IQSEC2: variants seen among roughly 807,000 people sequenced by gnomAD.
IQSEC2 encodes the protein IQ motif and SEC7 domain-containing protein 2.
In IQSEC2, 6 loss-of-function variants were observed where a neutral mutation model predicts 74.6. The observed-to-expected ratio is 0.08, with a 90% CI of 0.04 to 0.16. IQSEC2 has a LOEUF of 0.16. Ranked by LOEUF, IQSEC2 falls within the 10% of genes least tolerant of loss-of-function variation. IQSEC2 has a pLI of 1.00. For synonymous variants in IQSEC2, 494 were observed against 544.5 expected (o/e 0.91, Z 1.29); for missense variants, 734 against 1,306.2 (o/e 0.56, Z 6.75).
chrX:53,226,617 A>G (rs138184927), downstream of IQSEC2: 41 of 112,432 alleles, frequency 3.6e-4, no homozygotes, highest in African/African-American at 1.3e-3. Context: ...GGAGTGTCAT[A>G]CCTTCGTGCA....
In IQSEC2 at chrX:53,236,376, C is replaced by T. The variant is rs1556859667; in HGVS notation, c.3397G>A (p.Asp1133Asn). The T allele has an allele frequency of 8.3e-7, 1 of 1,208,580 alleles. No individual in the cohort carries two copies. The highest frequency in any genetic ancestry group is 2.2e-5 in the Admixed American group (1 of 45,908). ...CTGAGTGCGCCCCGTTTGAGCCCAT[C>T]GCCTGCCCCGTAAGTGTCCTCCAGG... ...SSLEDTYGAG[D>N]GLKRGALSSS... Residue 1133 changes from aspartate to asparagine, a missense_variant, in exon 13 of 15, where the codon GAT becomes AAT. By Grantham distance (23) the Asp-to-Asn change is conservative. Coordinates refer to ENST00000642864, the MANE Select transcript of IQSEC2 (RefSeq NM_001111125.3).
intron 2 of IQSEC2, among the ~76,000 whole-genome samples, chrX:53,286,173 A>G (rs2075023066): frequency 9.0e-6 from 1 of 111,531 alleles, no homozygotes. Flanking sequence ...AAAAATTACC[A>G]CAAGCTGGTA....
chrX:53,263,600 C>A (rs2074603430), intron 2 of IQSEC2, among the ~76,000 whole-genome samples: 2 of 109,688 alleles, frequency 1.8e-5, no homozygotes, highest in Admixed American at 1.9e-4. Flanking sequence ...TCCTTTGTTT[C>A]TTCTGCCCAG....
At chrX:53,232,704 T>A (rs188812976), downstream of IQSEC2, among the ~76,000 whole-genome samples, 1 of 111,414 alleles carries the variant, frequency 9.0e-6, no homozygotes, top group African/African-American at 3.3e-5. Context: ...AAACTGTGTA[T>A]GAAATGAGAT....
intron 1 of IQSEC2, among the ~76,000 whole-genome samples, chrX:53,310,416 A>AC (rs2075310843): frequency 1.8e-5 from 2 of 110,867 alleles, no homozygotes; most frequent in East Asian, 2.8e-4. Context: ...AACAAACAAA[A>AC]AACTTGAGAA....
At chrX:53,269,577 G>T (rs1402082013) in intron 2 of IQSEC2, among the ~76,000 whole-genome samples, 1 of 109,498 alleles carries the variant, frequency 9.1e-6, no homozygotes, top group Non-Finnish European at 1.9e-5. Flanking sequence ...CCCTCTATCT[G>T]CCCCCACATC....
At chrX:53,247,242 C>T in intron 7 of IQSEC2, 107 bp from the exon 8 acceptor site, 1 of 784,555 alleles carries the variant, frequency 1.3e-6, no homozygotes, top group Non-Finnish European at 1.9e-6. Context: ...GAAATACTTT[C>T]TTGATCTCTG....
In IQSEC2 at chrX:53,320,807, T is replaced by C; in HGVS notation, c.317A>G (p.Gln106Arg). The C allele has an allele frequency of 8.6e-7, 1 of 1,163,680 alleles. No homozygotes were observed. The highest frequency in any genetic ancestry group is 1.1e-6 in the Non-Finnish European group (1 of 870,641). The part of the protein sequence containing the change: ...QFHHRELRES[Q>R]FHQAARDVGY... ...CACGTCCCGGGCCGCCTGGTGGAAC[T>C]GGCTCTCCCGCAGCTCGCGGTGGTG... The change falls in exon 1 of 15, where the codon CAG (glutamine) becomes CGG (arginine). Residue 106 changes from glutamine (Q) to arginine (R), a missense_variant. Coordinates refer to ENST00000642864, the MANE Select transcript of IQSEC2 (RefSeq NM_001111125.3).
intron 1 of IQSEC2, among the ~76,000 whole-genome samples, chrX:53,294,228 G>A (rs1432290380): frequency 1.8e-5 from 2 of 112,259 alleles, no homozygotes; most frequent in African/African-American, 3.2e-5. Context: ...GGCAGCAAAG[G>A]GGAGCAAAAG....
intron 1 of IQSEC2, among the ~76,000 whole-genome samples, chrX:53,300,059 C>T (rs1569332225): frequency 9.0e-6 from 1 of 111,203 alleles, no homozygotes; most frequent in Non-Finnish European, 1.9e-5. Context: ...CCACTGTGCC[C>T]GGACAGAAAA....
At chrX:53,285,662 C>T (rs782259453) in intron 2 of IQSEC2, among the ~76,000 whole-genome samples, 10 of 112,600 alleles carry the variant, frequency 8.9e-5, no homozygotes, top group Non-Finnish European at 1.5e-4. Flanking sequence ...GATAATCTCT[C>T]TCACTTAGGT....
rs983560052 is a variant in IQSEC2, at chrX:53,260,276, C to A, written c.738-4215G>T. Among the ~76,000 whole-genome samples, 6 of 111,532 alleles carry A rather than the reference C, an allele frequency of 5.4e-5. No homozygotes were observed. The East Asian group carries it at 1.7e-3, about 31-fold the overall frequency. On this transcript the variant is annotated intron_variant, in intron 2 of 14. Transcript: ENST00000642864. Reference sequence around the variant, plus strand: ...AGAGCAGTCCAGAGAGAGGGTACAGCCAGCGCAAAGGCCCGGAGGTAGAAC... The same window carrying A: ...AGAGCAGTCCAGAGAGAGGGTACAGACAGCGCAAAGGCCCGGAGGTAGAAC...
chrX:53,261,459 C>T (rs1203928466), intron 2 of IQSEC2, among the ~76,000 whole-genome samples: 1 of 108,428 alleles, frequency 9.2e-6, no homozygotes, highest in African/African-American at 3.4e-5. Context: ...CCTCTCTGGA[C>T]TCTTCCCAGC....
rs1397654562 is a variant in IQSEC2 at position 53,291,944 on chromosome X, A to G, written c.708-20T>C. 5.2e-6 allele frequency: 6 copies of G among 1,162,037 alleles called. No homozygotes were observed. The highest frequency in any genetic ancestry group is 3.6e-5 in the African/African-American group (2 of 55,748). On this transcript the variant is annotated intron_variant, in intron 1 of 14. Transcript: ENST00000642864. ...TCAGATCTGAAAGGGAAACAGAGAA[A>G]AAAAACCAAAACGGTCAGTATACGC... is the stretch of plus-strand genomic sequence containing the variant.
chrX:53,247,736 C>T (rs2074329153), intron 7 of IQSEC2, among the ~76,000 whole-genome samples: 2 of 112,103 alleles, frequency 1.8e-5, no homozygotes, highest in Admixed American at 1.9e-4. Flanking sequence ...GTTACTTAAC[C>T]TCTCTAAACT....
chrX:53,230,379 C>T (rs1369934408), downstream of IQSEC2: 1 of 113,002 alleles, frequency 8.8e-6, no homozygotes, highest in Admixed American at 9.3e-5. Flanking sequence ...CCCACATGTG[C>T]TTATTTATTT....
intron 2 of IQSEC2, among the ~76,000 whole-genome samples, chrX:53,290,524 C>T (rs1288030577): frequency 8.9e-6 from 1 of 111,956 alleles, no homozygotes; most frequent in East Asian, 2.8e-4. Flanking sequence ...GAGATCTATT[C>T]CCTTTGCTAG....
intron 1 of IQSEC2, among the ~76,000 whole-genome samples, chrX:53,309,737 G>C (rs893051608): frequency 8.9e-5 from 10 of 112,070 alleles, no homozygotes; most frequent in African/African-American, 2.9e-4. Context: ...ACCTGCTTGA[G>C]TCACAAAGGA....
intron 2 of IQSEC2, among the ~76,000 whole-genome samples, chrX:53,277,218 CTT>C (rs782593191): frequency 9.7e-6 from 1 of 102,803 alleles, no homozygotes; most frequent in African/African-American, 3.5e-5. Context: ...ACCGTCTTTT[CTT>C]TTTTTTTTTG....
Sources: allele counts gnomAD v4.1 joint callset (sites outside exome capture counted in the v4.1 genomes callset), GRCh38; gene constraint gnomAD v4.1.1; transcripts MANE v1.5; gene names NCBI Gene and HGNC (gene_info 2026-07-23, HGNC 2026-07-21).